The following NBEAL2 variants were observed in gnomAD, a reference collection of about 807,000 sequenced individuals.
The protein encoded by NBEAL2 is neurobeachin like 2.
A neutral mutation model predicts 299.8 loss-of-function variants in NBEAL2; 160 were observed. That is an observed-to-expected ratio of 0.53 (90% CI 0.47 to 0.61). The LOEUF is 0.61. NBEAL2 is among the 20% of genes least tolerant of loss of function. NBEAL2 has a pLI of 0.00. For synonymous variants in NBEAL2, 1,493 were observed against 1,542.3 expected, an observed-to-expected ratio of 0.97 and a Z score of 0.75; for missense variants, 3,112 against 3,649.0, an observed-to-expected ratio of 0.85 and a Z score of 3.79.
At position 46,984,038 on chromosome 3, in the gene NBEAL2, C is replaced by T. The variant is rs186321527; in HGVS notation, c.51+4126C>T. Among the ~76,000 whole-genome samples the T allele has an allele frequency of 8.8e-4, 134 of 151,914 alleles. 3 individuals carry two copies. In the East Asian group the frequency reaches 0.024, roughly 27 times the overall value. ...AATAGTGTCCAGGCGCGGTGTTTCA[C>T]GCCTGTAATCCCAGCACTTTGGGAG... is the stretch of plus-strand genomic sequence containing the variant. On this transcript the variant is annotated intron_variant, in intron 1 of 53. Transcript: ENST00000450053.
In NBEAL2 at chr3:46,998,514, G is replaced by C. The variant is rs371048264; in HGVS notation, c.3170G>C (p.Arg1057Pro). The C allele has an allele frequency of 1.1e-5, 18 of 1,613,254 alleles. No homozygotes were observed. The highest frequency in any genetic ancestry group is 1.4e-5 in the Non-Finnish European group (17 of 1,179,744). Reference protein sequence around the residue: ...SIVREHRQKLRKKYGVQFILD... With the variant: ...SIVREHRQKLPKKYGVQFILD... The stretch of plus-strand genomic sequence containing the variant: ...GTTCGGGAGCACAGACAGAAGCTGC[G>C]GAAGAAGTACGGCGTCCAGTTTATC... Residue 1057 changes from arginine to proline, a missense_variant, in exon 22 of 54, where the codon CGG (arginine) becomes CCG (proline). By Grantham distance (103) the Arg-to-Pro change is moderately radical. This residue lies in a region of NBEAL2 where 2,243 missense variants were observed against 2,538.1 expected (regional missense o/e 0.88). Transcript: ENST00000450053.
chr3:47,002,969 C>T lies in NBEAL2; in HGVS notation c.5472C>T (p.Ile1824=), dbSNP rs1575617887. Residue 1824 remains isoleucine, a synonymous_variant, in exon 34 of 54, where the codon ATC becomes ATT. Transcript: ENST00000450053. The stretch of plus-strand genomic sequence containing the variant: ...GGACATTCTGCAGGGACACTCCCAT[C>T]CCCCGCTGGAAACTGTCCAGCGCCG... The part of the protein sequence containing the change: ...CGAWALRDTP[I]PRWKLSSAET... 6.2e-7 allele frequency: 1 copy of T among 1,613,154 alleles called. No homozygotes were observed.
At chr3:47,005,381 C>T in intron 40 of NBEAL2, 60 bp downstream of exon 40, 5 of 1,578,214 alleles carry the variant, frequency 3.2e-6, no homozygotes, top group South Asian at 1.1e-5. Flanking sequence ...GGCTGGTCCT[C>T]CCCACATCCT....
intron 43 of NBEAL2, 48 bp downstream of exon 43, chr3:47,006,111 G>C (rs758568957): frequency 1.9e-6 from 3 of 1,612,778 alleles, no homozygotes; most frequent in Non-Finnish European, 1.7e-6. Flanking sequence ...AGATCAGGTC[G>C]GGTGGATGCA....
At chr3:46,981,011 GA>G (rs1231960466) in intron 1 of NBEAL2, among the ~76,000 whole-genome samples, 1 of 152,222 alleles carries the variant, frequency 6.6e-6, no homozygotes, top group Non-Finnish European at 1.5e-5. Flanking sequence ...GTCCAGGCCA[GA>G]AGGACCACAG....
At chr3:46,992,403 A>C (rs2036166424) in intron 9 of NBEAL2, 72 bp from the exon 10 acceptor site, 5 of 1,389,722 alleles carry the variant, frequency 3.6e-6, no homozygotes, top group Non-Finnish European at 5.0e-6. Context: ...GTCCTGCTCT[A>C]ACCCCACCCT....
rs1269668250 is a variant in NBEAL2 at position 47,001,758 on chromosome 3, G to C, written c.4714G>C (p.Asp1572His). The C allele has an allele frequency of 6.2e-7, 1 of 1,613,962 alleles. No individual in the cohort carries two copies. The highest frequency in any genetic ancestry group is 1.7e-5 in the Admixed American group (1 of 60,032). ...AWPHLANGTA[D>H]LREMAQIGLR... ...GCCCCACCTGGCCAACGGCACAGCT[G>C]ATCTCCGTGAGATGGCGCAGATTGG... Residue 1572 changes from aspartate to histidine, a missense_variant, in exon 30 of 54, where the codon GAT becomes CAT. By Grantham distance (81) the Asp-to-His change is moderately conservative (BLOSUM62 -1). This residue lies in a region of NBEAL2 where 2,243 missense variants were observed against 2,538.1 expected (regional missense o/e 0.88). Transcript: ENST00000450053. This position sits in a 1 kb window ranked among gnomAD's most constrained non-coding sequence, Gnocchi z 6.1.
chr3:46,999,794 G>T, intron 26 of NBEAL2, 79 bp downstream of exon 26: 1 of 1,592,814 alleles, frequency 6.3e-7, no homozygotes, highest in South Asian at 1.1e-5. Flanking sequence ...CCTGTCTCAT[G>T]AGGGGTCTCT....
rs772599355 is a variant in NBEAL2, at chr3:47,006,075, G to A, written c.6919+12G>A. ...CTGCACCTATGAGGGTGGGCAGTGC[G>A]CTGGACTCCAGTCAGGGCCAGGACA... On this transcript the variant is annotated intron_variant, in intron 43 of 53. Coordinates refer to ENST00000450053, the MANE Select transcript of NBEAL2 (RefSeq NM_015175.3). 4 of 1,612,906 alleles carry A rather than the reference G, an allele frequency of 2.5e-6. No individual in the cohort carries two copies. The highest frequency in any genetic ancestry group is 1.3e-5 in the African/African-American group (1 of 75,048).
In NBEAL2 at chr3:47,001,718, T is replaced by C. The variant is rs2107401395; in HGVS notation, c.4674T>C (p.Asp1558=). The change falls in exon 30 of 54, where the codon GAT becomes GAC. Residue 1558 remains aspartate, a synonymous_variant. Coordinates refer to ENST00000450053, the MANE Select transcript of NBEAL2 (RefSeq NM_015175.3). The surrounding 1 kb of genome is among the most constrained non-coding windows in gnomAD (Gnocchi z 6.1). ...KLFEGVCSLL[D]RLGAWPHLAN... ...TTGAAGGTGTATGCAGCCTACTTGA[T>C]CGCCTGGGAGCCTGGCCCCACCTGG... is the stretch of plus-strand genomic sequence containing the variant. 6.2e-7 allele frequency: 1 copy of C among 1,613,850 alleles called. No individual in the cohort carries two copies. The highest frequency in any genetic ancestry group is 2.2e-5 in the East Asian group (1 of 44,874).
Position 47,008,585 on chromosome 3 carries a change from G to A in NBEAL2, c.7944G>A (p.Glu2648=). The A allele has an allele frequency of 1.9e-6, 3 of 1,613,646 alleles. No individual in the cohort carries two copies. The highest frequency in any genetic ancestry group is 2.5e-6 in the Non-Finnish European group (3 of 1,179,874). The change falls in exon 52 of 54, where the codon GAG becomes GAA. Residue 2648 remains glutamate, a synonymous_variant. Coordinates refer to ENST00000450053, the MANE Select transcript of NBEAL2 (RefSeq NM_015175.3). ...TGCGGGCTTCACTGCCCCTGGCAGA[G>A]CAGCCTACAGCCCTGACGGTGACAG... ...GKLRASLPLA[E]QPTALTVTED... is the part of the protein sequence containing the mutation.
chr3:46,984,297 G>A (rs967587247), intron 1 of NBEAL2, among the ~76,000 whole-genome samples: 1 of 152,060 alleles, frequency 6.6e-6, no homozygotes, highest in Non-Finnish European at 1.5e-5. Context: ...GCGACAGAGC[G>A]AGACTCCGTC....
intron 6 of NBEAL2, among the ~76,000 whole-genome samples, chr3:46,990,752 G>A (rs1204955312): frequency 2.6e-5 from 4 of 152,208 alleles, no homozygotes; most frequent in Admixed American, 2.0e-4. Flanking sequence ...AGAAGTCCCA[G>A]GCAAAGGCAT....
rs2037209904 is a variant in NBEAL2, at chr3:47,003,786, TAC to T, written c.5721-28_5721-27del. On this transcript the variant is annotated intron_variant, in intron 35 of 53. Coordinates refer to ENST00000450053, the MANE Select transcript of NBEAL2 (RefSeq NM_015175.3). The surrounding 1 kb of genome is among the most constrained non-coding windows in gnomAD (Gnocchi z 7.0). ...TTGTGAAGAAGGGGGTCCCAGAGCC[TAC>T]AGCGTGAGGTGGGTTGCTGGTCTTT... The T allele has an allele frequency of 1.9e-6, 3 of 1,558,320 alleles. No individual in the cohort carries two copies. The highest frequency in any genetic ancestry group is 1.9e-5 in the Admixed American group (1 of 52,436).
Position 46,995,944 on chromosome 3 carries a change from A to G in NBEAL2, c.2044A>G (p.Ile682Val). 3 of 1,613,444 alleles carry G rather than the reference A, an allele frequency of 1.9e-6. No homozygotes were observed. Among genetic ancestry groups the G allele is most frequent in the Admixed American group, 1.7e-5 (1 of 59,982 alleles). ...GCTTCTGTTCTAGCACTGCGTGGCT[A>G]TCGTCCATGTGCCTGGGCGCCGGCC... ...FADSAWHCVA[I>V]VHVPGRRPFS... is the part of the protein sequence containing the mutation. The change falls in exon 15 of 54, where the codon ATC (isoleucine) becomes GTC (valine). Residue 682 changes from isoleucine (I) to valine (V), a missense_variant. By Grantham distance (29) the Ile-to-Val change is conservative. Around this residue, in one of 3 missense-constraint regions of NBEAL2, gnomAD observed 2,243 missense variants for 2,538.1 expected, o/e 0.88. Transcript: ENST00000450053.
rs376553103 is a variant in NBEAL2, at chr3:47,006,597, A to G, written c.7134+148A>G. 1.7e-5 allele frequency: 14 copies of G among 815,396 alleles called. No homozygotes were observed. In the South Asian group the frequency reaches 1.7e-4, roughly 10 times the overall value. The allele number at this position is 815,396 out of a possible 1,614,324, so 50.5% of individuals were successfully genotyped here. A position where few individuals can be genotyped will look rare whatever the true frequency, so the allele number is the denominator to read the frequency against. ...AAAATGAGCTAAACATGGGAAGAGTATGGGGGCAGGAGGGGTGCCTTCTTC... is the reference window on the plus strand; with the variant it reads ...AAAATGAGCTAAACATGGGAAGAGTGTGGGGGCAGGAGGGGTGCCTTCTTC... On this transcript the variant is annotated intron_variant, in intron 45 of 53. Transcript: ENST00000450053.
intron 1 of NBEAL2, 31 bp downstream of exon 1, chr3:46,979,943 G>A (rs994421378): frequency 1.5e-5 from 5 of 343,238 alleles, no homozygotes; most frequent in African/African-American, 6.5e-5. Context: ...GCCCGCACCC[G>A]CACCCGCGGT....
Position 47,007,121 on chromosome 3 carries a change from A to T in NBEAL2, c.7190A>T (p.His2397Leu), listed in dbSNP as rs1218915824. ...VLALVPHRQP[H>L]SFITQGSPDL... ...GCCCTGGTCCCCCACCGGCAGCCCCACTCCTTCATCACCCAGGGTTCCCCA... is the reference window on the plus strand; with the variant it reads ...GCCCTGGTCCCCCACCGGCAGCCCCTCTCCTTCATCACCCAGGGTTCCCCA... The change falls in exon 46 of 54, where the codon CAC (histidine) becomes CTC (leucine). Residue 2397 changes from histidine to leucine, a missense_variant. By Grantham distance (99) the His-to-Leu change is moderately conservative. Transcript: ENST00000450053. 1 of 1,613,258 alleles carries T rather than the reference A, an allele frequency of 6.2e-7. No homozygotes were observed. Among genetic ancestry groups the T allele is most frequent in the African/African-American group, 1.3e-5 (1 of 74,850 alleles).
rs756243156 is a variant in NBEAL2, at chr3:47,009,209, C to A, written c.8164-10C>A. 1.3e-6 allele frequency: 2 copies of A among 1,587,282 alleles called. No homozygotes were observed. The highest frequency in any genetic ancestry group is 8.6e-7 in the Non-Finnish European group (1 of 1,168,688). On this transcript the variant is annotated splice_polypyrimidine_tract_variant and intron_variant, in intron 53 of 53. Transcript: ENST00000450053. Reference sequence around the variant, plus strand: ...CCCAGCTGATCCTACTCAACCCTTACGCCCACCAGGTGCGCAGCAGCCAGT... The same window carrying A: ...CCCAGCTGATCCTACTCAACCCTTAAGCCCACCAGGTGCGCAGCAGCCAGT...
Sources: allele counts gnomAD v4.1 joint callset (sites outside exome capture counted in the v4.1 genomes callset), GRCh38; gene constraint gnomAD v4.1.1; regional missense constraint gnomAD v4.1.1; non-coding constraint Gnocchi (gnomAD v3.1); transcripts MANE v1.5; gene names NCBI Gene and HGNC (gene_info 2026-07-23, HGNC 2026-07-21).